Variants in RBPMS observed in about 807,000 individuals in gnomAD.
RBPMS encodes RNA-binding protein with multiple splicing.
Under a neutral mutation model 26.8 loss-of-function variants are expected in RBPMS, and 7 were observed. The observed-to-expected ratio is 0.26, with a 90% CI of 0.15 to 0.49. RBPMS has a LOEUF of 0.49. Among genes scored for constraint, RBPMS ranks in the 20% least tolerant of loss-of-function variants. The pLI is 0.98. For missense variants in RBPMS, 186 were observed against 250.0 expected (o/e 0.74, Z 1.73); for synonymous variants, 96 against 93.3 (o/e 1.03, Z -0.17).
intron 6 of RBPMS, chr8:30,545,037 G>A: frequency 7.1e-7 from 1 of 1,414,720 alleles, no homozygotes; most frequent in Non-Finnish European, 9.2e-7. Flanking sequence ...TCTGTGTGTT[G>A]AGAGTTTTCC....
intron 1 of RBPMS, among the ~76,000 whole-genome samples, chr8:30,424,226 C>T (rs1211936333): frequency 1.3e-5 from 2 of 152,176 alleles, no homozygotes; most frequent in Non-Finnish European, 2.9e-5. Context: ...GGCTCTGACA[C>T]TTATTAGCTG....
At chr8:30,435,435 T>A (rs543884628) in intron 1 of RBPMS, among the ~76,000 whole-genome samples, 52 of 152,336 alleles carry the variant, frequency 3.4e-4, no homozygotes, top group African/African-American at 1.2e-3. Flanking sequence ...TCTGGAGGCC[T>A]CTTGGGATAT....
intron 1 of RBPMS, among the ~76,000 whole-genome samples, chr8:30,423,311 A>C (rs1332477712): frequency 6.6e-6 from 1 of 152,058 alleles, no homozygotes; most frequent in African/African-American, 2.4e-5. Flanking sequence ...CACCTTGTGG[A>C]TATTTGTAGG....
At chr8:30,487,712 TAGG>T (rs1346606626) in intron 4 of RBPMS, among the ~76,000 whole-genome samples, 3 of 152,006 alleles carry the variant, frequency 2.0e-5, no homozygotes, top group Non-Finnish European at 4.4e-5. Flanking sequence ...AATATGAGAC[TAGG>T]AGGAATAAAT....
chr8:30,566,178 C>A, intron 7 of RBPMS, 79 bp from the exon 8 acceptor site: 1 of 803,244 alleles, frequency 1.2e-6, no homozygotes, highest in Non-Finnish European at 1.5e-6. Context: ...GCCCTCAGAA[C>A]AGGCCGGTCT....
intron 1 of RBPMS, among the ~76,000 whole-genome samples, chr8:30,419,178 G>T (rs1810448059): frequency 6.6e-6 from 1 of 152,082 alleles, no homozygotes; most frequent in African/African-American, 2.4e-5. Flanking sequence ...GGGCGCAATG[G>T]CTCAGGCCTA....
intron 8 of RBPMS, among the ~76,000 whole-genome samples, chr8:30,566,654 G>C (rs1827905645): frequency 6.6e-6 from 1 of 152,228 alleles, no homozygotes; most frequent in Non-Finnish European, 1.5e-5. Flanking sequence ...CACCTGGAGT[G>C]AGGGATTCCA....
Position 30,571,384 on chromosome 8 carries a change from C to T in RBPMS, c.*859C>T, listed in dbSNP as rs1828245390. On this transcript the variant is annotated 3_prime_UTR_variant, in exon 9 of 9. Coordinates refer to ENST00000397323, the MANE Select transcript of RBPMS (RefSeq NM_001008710.3). Reference sequence around the variant, plus strand: ...CTCCTGTATGTGTAGCCACTCGATGCCTAACCTACCTTCCACAAGCCAGCC... The same window carrying T: ...CTCCTGTATGTGTAGCCACTCGATGTCTAACCTACCTTCCACAAGCCAGCC... 2 of 152,284 alleles carry T rather than the reference C, an allele frequency of 1.3e-5. No individual in the cohort carries two copies. The highest frequency in any genetic ancestry group is 2.4e-5 in the African/African-American group (1 of 41,466). 9.4% of individuals were successfully genotyped at this position (152,284 alleles called of 1,614,324 possible). A position where few individuals can be genotyped will look rare whatever the true frequency, so the allele number is the denominator to read the frequency against.
chr8:30,416,107 C>G (rs893582840), intron 1 of RBPMS, among the ~76,000 whole-genome samples: 7 of 152,060 alleles, frequency 4.6e-5, no homozygotes, highest in Non-Finnish European at 8.8e-5. Context: ...TTGTGTATAC[C>G]CTAGCGATGT....
intron 5 of RBPMS, among the ~76,000 whole-genome samples, chr8:30,515,939 G>T (rs1014396970): frequency 1.3e-5 from 2 of 152,176 alleles, no homozygotes; most frequent in Admixed American, 6.5e-5. Flanking sequence ...CTTAGGCACC[G>T]TACCTGGCCC....
In RBPMS at chr8:30,417,225, C is replaced by T. The variant is rs1810189580; in HGVS notation, c.66+32067C>T. On this transcript the variant is annotated intron_variant, in intron 1 of 8. Transcript: ENST00000397323. Reference sequence around the variant, plus strand: ...TTTGTTACAATGTTAAAATATTTTACTTCTGTAGAAAGAAAACCAAATATA... The same window carrying T: ...TTTGTTACAATGTTAAAATATTTTATTTCTGTAGAAAGAAAACCAAATATA... Among the ~76,000 whole-genome samples, 4 of 152,206 alleles carry T rather than the reference C, an allele frequency of 2.6e-5. No homozygotes were observed. The South Asian group carries it at 6.2e-4, about 24-fold the overall frequency.
intron 6 of RBPMS, among the ~76,000 whole-genome samples, chr8:30,550,066 G>A (rs1383402681): frequency 6.6e-6 from 1 of 151,990 alleles, no homozygotes; most frequent in East Asian, 1.9e-4. Context: ...TAGCCAGGAT[G>A]GTCTCGATCT....
intron 1 of RBPMS, among the ~76,000 whole-genome samples, chr8:30,411,681 A>AAATAAAAG (rs1554507356): frequency 7.8e-6 from 1 of 127,956 alleles, no homozygotes; most frequent in African/African-American, 3.1e-5. Context: ...AAAAAAAAAA[A>AAATAAAAG]AAAGAAAAAG....
At chr8:30,551,325 T>G (rs949985981) in intron 6 of RBPMS, among the ~76,000 whole-genome samples, 1 of 152,202 alleles carries the variant, frequency 6.6e-6, no homozygotes, top group Non-Finnish European at 1.5e-5. Context: ...TGGGCAGTTT[T>G]AGGAGGAAAT....
chr8:30,493,658 T>C (rs1166343781), intron 4 of RBPMS, among the ~76,000 whole-genome samples: 1 of 152,198 alleles, frequency 6.6e-6, no homozygotes, highest in East Asian at 1.9e-4. Context: ...GTAAAATATT[T>C]CTTTAATGGG....
At chr8:30,568,372 G>A (rs759316584) in intron 8 of RBPMS, among the ~76,000 whole-genome samples, 1 of 152,182 alleles carries the variant, frequency 6.6e-6, no homozygotes, top group Non-Finnish European at 1.5e-5. Flanking sequence ...GCATCGGACC[G>A]AGACCCTGAC....
intron 4 of RBPMS, among the ~76,000 whole-genome samples, chr8:30,494,758 G>T (rs1175472111): frequency 1.3e-5 from 2 of 152,190 alleles, no homozygotes. Flanking sequence ...TTTGCCAGTT[G>T]TAGAAGGGGA....
chr8:30,445,890 C>T (rs1391635208), intron 1 of RBPMS, among the ~76,000 whole-genome samples: 3 of 151,924 alleles, frequency 2.0e-5, no homozygotes, highest in Non-Finnish European at 4.4e-5. Flanking sequence ...TTCTGGAACT[C>T]CTGGACTCAA....
At chr8:30,530,587 C>T (rs1022858599) in intron 5 of RBPMS, among the ~76,000 whole-genome samples, 2 of 152,100 alleles carry the variant, frequency 1.3e-5, no homozygotes, top group South Asian at 2.1e-4. Context: ...CTCAGCCTCT[C>T]GAGTAGCTGG....
Sources: allele counts gnomAD v4.1 joint callset (sites outside exome capture counted in the v4.1 genomes callset), GRCh38; gene constraint gnomAD v4.1.1; transcripts MANE v1.5; gene names NCBI Gene and HGNC (gene_info 2026-07-23, HGNC 2026-07-21).